Variants in FMN1 observed in about 807,000 individuals in gnomAD.
FMN1 encodes the protein formin 1, also known as formin-1.
Under a neutral mutation model 132.4 loss-of-function variants are expected in FMN1, and 110 were observed. The ratio of observed to expected loss-of-function variants is 0.83; its 90% CI spans 0.71 to 0.97. The LOEUF (loss-of-function observed/expected upper bound fraction) is 0.97, where lower values mean the gene tolerates loss of function less well. FMN1 is among the 50% of genes least tolerant of loss of function. The pLI is 0.00. For missense variants in FMN1, 1,792 were observed against 1,705.3 expected (o/e 1.05, Z -0.90); for synonymous variants, 722 against 651.7 (o/e 1.11, Z -1.64).
intron 20 of FMN1, 38 bp downstream of exon 20, chr15:32,776,797 A>T: frequency 7.5e-7 from 1 of 1,327,154 alleles, no homozygotes; most frequent in Middle Eastern, 1.8e-4. Flanking sequence ...CTCAATTTTC[A>T]TGACAATCGT....
chr15:32,766,192 C>A lies in FMN1; in HGVS notation c.*8118G>T, dbSNP rs1260719517. 6.6e-6 allele frequency: 1 copy of A among 152,156 alleles called. No individual in the cohort carries two copies. Among genetic ancestry groups the A allele is most frequent in the Admixed American group, 6.5e-5 (1 of 15,274 alleles). The allele number at this position is 152,156 out of a possible 1,614,324, so 9.4% of individuals were successfully genotyped here. A position where few individuals can be genotyped will look rare whatever the true frequency, so the allele number is the denominator to read the frequency against. On this transcript the variant is annotated 3_prime_UTR_variant, in exon 21 of 21. Coordinates refer to ENST00000616417, the MANE Select transcript of FMN1 (RefSeq NM_001277313.2). ...TACCAGGTTAAATGGCTATTTAGGA[C>A]ATGCTTGCACTTTTAAGTGCTTTCA...
At chr15:32,829,262 T>C (rs143589166) in intron 17 of FMN1, among the ~76,000 whole-genome samples, 1 of 152,216 alleles carries the variant, frequency 6.6e-6, no homozygotes, top group Admixed American at 6.5e-5. Flanking sequence ...CAACAGTTTA[T>C]GAGACCAAGC....
intron 9 of FMN1, among the ~76,000 whole-genome samples, chr15:32,933,390 A>G (rs184674222): frequency 6.6e-5 from 10 of 152,338 alleles, no homozygotes; most frequent in Non-Finnish European, 1.2e-4. Flanking sequence ...GTTTTCTGAC[A>G]TAACGTGTGA....
intron 17 of FMN1, among the ~76,000 whole-genome samples, chr15:32,843,196 A>G (rs1398901193): frequency 6.9e-6 from 1 of 144,262 alleles, no homozygotes; most frequent in Non-Finnish European, 1.5e-5. Context: ...TGCAATTCTA[A>G]AGCCAGCCTG....
At chr15:33,037,747 G>A (rs917895923) in intron 6 of FMN1, among the ~76,000 whole-genome samples, 4 of 152,100 alleles carry the variant, frequency 2.6e-5, no homozygotes, top group African/African-American at 7.2e-5. Flanking sequence ...CAGGTGATTC[G>A]GATACAGTAT....
chr15:32,939,122 T>A lies in FMN1; in HGVS notation c.3139-12861A>T, dbSNP rs531943563. The stretch of plus-strand genomic sequence containing the variant: ...GGGGGCAGTGAGTATTGCAATACTG[T>A]AAACCTTTATTCCTTTAGTGGCCCC... On this transcript the variant is annotated intron_variant, in intron 9 of 20. Transcript: ENST00000616417. 3.7e-4 allele frequency among the ~76,000 whole-genome samples: 56 copies of A among 152,332 alleles called. No individual in the cohort carries two copies. The South Asian group carries it at 0.011, about 31-fold the overall frequency.
intron 9 of FMN1, among the ~76,000 whole-genome samples, chr15:32,941,666 T>A (rs1211548161): frequency 6.6e-6 from 1 of 152,196 alleles, no homozygotes; most frequent in African/African-American, 2.4e-5. Flanking sequence ...TTTCTAGTAT[T>A]AAGAGACTTT....
chr15:33,060,676 C>G (rs1015502766), intron 6 of FMN1, among the ~76,000 whole-genome samples: 1 of 152,278 alleles, frequency 6.6e-6, no homozygotes, highest in African/African-American at 2.4e-5. Flanking sequence ...GGCAGTACAT[C>G]TGCCATTCCC....
rs558005066 is a variant in FMN1, at chr15:33,087,007, G to A, written c.2043+1792C>T. 5.9e-5 allele frequency among the ~76,000 whole-genome samples: 9 copies of A among 152,260 alleles called. No homozygotes were observed. The South Asian group carries it at 1.5e-3, about 25-fold the overall frequency. On this transcript the variant is annotated intron_variant, in intron 5 of 20. Transcript: ENST00000616417. Reference sequence around the variant, plus strand: ...GTTCCAGGTCTGAAAGTAATGAGCCGGAGAACACAAGGTTGTCAACAGGCA... The same window carrying A: ...GTTCCAGGTCTGAAAGTAATGAGCCAGAGAACACAAGGTTGTCAACAGGCA...
intron 5 of FMN1, among the ~76,000 whole-genome samples, chr15:33,075,556 A>G (rs971463946): frequency 1.3e-5 from 2 of 152,170 alleles, no homozygotes; most frequent in Non-Finnish European, 2.9e-5. Context: ...GTGTCACTTG[A>G]GAAGAGAATA....
chr15:32,797,911 G>A (rs1166502002), intron 19 of FMN1, among the ~76,000 whole-genome samples: 1 of 152,026 alleles, frequency 6.6e-6, no homozygotes. Context: ...ACTGAATTAT[G>A]GAATGTCAGG....
At position 33,044,865 on chromosome 15, in the gene FMN1, C is replaced by A. The variant is rs72719386; in HGVS notation, c.2161+20092G>T. On this transcript the variant is annotated intron_variant, in intron 6 of 20. Transcript: ENST00000616417. Reference sequence around the variant, plus strand: ...AAAGCTCCTCTACACCTTGCTCCCCCCTCCACTTGTCCATATACCTCATTC... The same window carrying A: ...AAAGCTCCTCTACACCTTGCTCCCCACTCCACTTGTCCATATACCTCATTC... Among the ~76,000 whole-genome samples the A allele has an allele frequency of 6.0e-3, 907 of 152,302 alleles. 9 individuals carry two copies. The highest frequency in any genetic ancestry group is 0.021 in the African/African-American group (874 of 41,572).
At chr15:33,113,475 G>A (rs904281014) in intron 4 of FMN1, among the ~76,000 whole-genome samples, 4 of 151,978 alleles carry the variant, frequency 2.6e-5, no homozygotes, top group African/African-American at 4.8e-5. Flanking sequence ...TGAACATAGG[G>A]TACGATATAG....
At chr15:32,967,583 T>C (rs1483858691) in intron 8 of FMN1, among the ~76,000 whole-genome samples, 1 of 152,238 alleles carries the variant, frequency 6.6e-6, no homozygotes, top group Admixed American at 6.5e-5. Context: ...CACTTTTTTA[T>C]GAACCATTCA....
At chr15:32,978,182 A>C (rs1262162232) in intron 7 of FMN1, among the ~76,000 whole-genome samples, 1 of 152,140 alleles carries the variant, frequency 6.6e-6, no homozygotes, top group Non-Finnish European at 1.5e-5. Context: ...GGTGATAGTT[A>C]ATTACAAGTT....
rs368593634 is a variant in FMN1, at chr15:32,770,189, C to T, written c.*4121G>A. The T allele has an allele frequency of 2.6e-5, 4 of 152,110 alleles. No homozygotes were observed. Among genetic ancestry groups the T allele is most frequent in the South Asian group, 2.1e-4 (1 of 4,812 alleles). 9.4% of individuals were successfully genotyped at this position (152,110 alleles called of 1,614,324 possible). ...AGTATGTCAGGGAATGAAGAGGTTC[C>T]CCGGTCAATGTTACAGCCTGGTTCC... On this transcript the variant is annotated 3_prime_UTR_variant, in exon 21 of 21. Coordinates refer to ENST00000616417, the MANE Select transcript of FMN1 (RefSeq NM_001277313.2).
chr15:32,765,948 TGCAA>T lies in FMN1; in HGVS notation c.*8358_*8361del, dbSNP rs1353951104. The T allele has an allele frequency of 7.0e-6, 1 of 143,448 alleles. No individual in the cohort carries two copies. The highest frequency in any genetic ancestry group is 1.6e-5 in the Non-Finnish European group (1 of 63,406). The allele number at this position is 143,448 out of a possible 1,614,324, so 8.9% of individuals were successfully genotyped here. A position where few individuals can be genotyped will look rare whatever the true frequency, so the allele number is the denominator to read the frequency against. The stretch of plus-strand genomic sequence containing the variant: ...TTCTCAGCTTTGACAAAATTAAATA[TGCAA>T]ACAAATTAGAAATACGTATTTTTAA... On this transcript the variant is annotated 3_prime_UTR_variant, in exon 21 of 21. Transcript: ENST00000616417.
chr15:32,884,509 C>A (rs1227614205), intron 16 of FMN1, among the ~76,000 whole-genome samples: 1 of 152,150 alleles, frequency 6.6e-6, no homozygotes, highest in Non-Finnish European at 1.5e-5. Context: ...GATAATCTCC[C>A]CATGTCAACA....
chr15:33,109,310 A>G (rs2039606673), intron 4 of FMN1, among the ~76,000 whole-genome samples: 1 of 152,136 alleles, frequency 6.6e-6, no homozygotes, highest in African/African-American at 2.4e-5. Flanking sequence ...ATAAATGGCC[A>G]AAGGGAAAAT....
Sources: allele counts gnomAD v4.1 joint callset (sites outside exome capture counted in the v4.1 genomes callset), GRCh38; gene constraint gnomAD v4.1.1; transcripts MANE v1.5; gene names NCBI Gene and HGNC (gene_info 2026-07-23, HGNC 2026-07-21).